Variants in KYNU observed in about 807,000 individuals in gnomAD.
KYNU encodes the protein kynureninase, also known as L-kynurenine hydrolase.
A neutral mutation model predicts 59.2 loss-of-function variants in KYNU; 54 were observed. The ratio of observed to expected loss-of-function variants is 0.91; its 90% CI spans 0.73 to 1.14. KYNU has a LOEUF of 1.14. Ranked by LOEUF, KYNU falls within the 50% of genes most tolerant of loss-of-function variation. The probability of loss-of-function intolerance (pLI) is 0.00; values close to 1 mark genes in which losing one functional copy is unlikely to be tolerated. For missense variants in KYNU, 567 were observed against 554.4 expected (o/e 1.02, Z -0.23); for synonymous variants, 177 against 192.0 (o/e 0.92, Z 0.65).
At chr2:143,013,517 T>C (rs551844057) in intron 10 of KYNU, among the ~76,000 whole-genome samples, 1 of 152,322 alleles carries the variant, frequency 6.6e-6, no homozygotes, top group Non-Finnish European at 1.5e-5. Context: ...TTCTAGAAAT[T>C]TGATAGTTTT....
intron 8 of KYNU, among the ~76,000 whole-genome samples, chr2:142,969,287 A>G (rs1684642523): frequency 6.6e-6 from 1 of 152,182 alleles, no homozygotes; most frequent in Non-Finnish European, 1.5e-5. Flanking sequence ...AAGATATACT[A>G]TATCTGCTTA....
intron 4 of KYNU, among the ~76,000 whole-genome samples, chr2:142,931,035 C>T (rs540309827): frequency 1.3e-5 from 2 of 152,196 alleles, no homozygotes; most frequent in Non-Finnish European, 2.9e-5. Context: ...ATAACTGCTG[C>T]GTTGTACCTG....
intron 13 of KYNU, among the ~76,000 whole-genome samples, 199 bp downstream of exon 13, chr2:143,040,857 G>T (rs1270829895): frequency 6.6e-6 from 1 of 152,014 alleles, no homozygotes; most frequent in Non-Finnish European, 1.5e-5. Flanking sequence ...TAAAAGAGAA[G>T]ATACCACAAA....
chr2:142,976,084 A>G (rs1423820473), intron 8 of KYNU, among the ~76,000 whole-genome samples: 2 of 152,168 alleles, frequency 1.3e-5, no homozygotes, highest in Non-Finnish European at 2.9e-5. Flanking sequence ...AGGTATGAAG[A>G]TACCTTGCAA....
chr2:142,940,177 T>C (rs1683550515), intron 4 of KYNU, among the ~76,000 whole-genome samples: 2 of 152,244 alleles, frequency 1.3e-5, no homozygotes, highest in East Asian at 3.8e-4. Context: ...CATTCAAATA[T>C]TCTAATATGT....
chr2:143,014,102 C>T (rs577991923), intron 10 of KYNU, among the ~76,000 whole-genome samples: 1 of 152,232 alleles, frequency 6.6e-6, no homozygotes, highest in South Asian at 2.1e-4. Context: ...CAGGTCCATT[C>T]TCCTAACATT....
chr2:142,925,514 CAT>C (rs1048015710), intron 3 of KYNU, among the ~76,000 whole-genome samples: 11 of 152,200 alleles, frequency 7.2e-5, no homozygotes, highest in Non-Finnish European at 1.3e-4. Context: ...GTCTCTTTCA[CAT>C]GTTATCTCAT....
intron 2 of KYNU, among the ~76,000 whole-genome samples, chr2:142,892,037 C>T (rs1681734257): frequency 6.6e-6 from 1 of 152,072 alleles, no homozygotes; most frequent in Non-Finnish European, 1.5e-5. Context: ...CTCAGCCCCC[C>T]AATTAGGTGG....
At chr2:142,979,067 A>T (rs1376802444) in intron 8 of KYNU, among the ~76,000 whole-genome samples, 1 of 152,260 alleles carries the variant, frequency 6.6e-6, no homozygotes, top group East Asian at 1.9e-4. Context: ...ATTTCAGCAC[A>T]GGCCCTATGT....
intron 10 of KYNU, among the ~76,000 whole-genome samples, chr2:143,011,231 C>T (rs1686087860): frequency 7.4e-6 from 1 of 135,780 alleles, no homozygotes; most frequent in African/African-American, 3.0e-5. Flanking sequence ...AAACAAACAA[C>T]CCCATCAAAA....
rs1169420080 is a variant in KYNU at position 143,047,284 on chromosome 2, C to T, written c.*5112C>T. ...GTAGAAACAGTGTTTTGCTACATTT[C>T]CCAGGCTGGTCTCAAACTCCTGGCC... On this transcript the variant is annotated 3_prime_UTR_variant, in exon 14 of 14. Transcript: ENST00000264170. 1.3e-5 allele frequency: 2 copies of T among 152,096 alleles called. No individual in the cohort carries two copies. The highest frequency in any genetic ancestry group is 3.9e-4 in the East Asian group (2 of 5,184). 9.4% of individuals were successfully genotyped at this position (152,096 alleles called of 1,614,324 possible).
chr2:143,027,859 A>G (rs1686622112), intron 10 of KYNU, among the ~76,000 whole-genome samples: 1 of 152,146 alleles, frequency 6.6e-6, no homozygotes, highest in South Asian at 2.1e-4. Flanking sequence ...TTACCGTCAT[A>G]TCTCATTTGT....
rs201464630 is a variant in KYNU, at chr2:143,034,246, A to AT, written c.1041+928dup. Among the ~76,000 whole-genome samples the AT allele has an allele frequency of 1.4e-4, 22 of 152,148 alleles. No individual in the cohort carries two copies. The East Asian group carries it at 4.2e-3, about 29-fold the overall frequency. On this transcript the variant is annotated intron_variant, in intron 12 of 13. Coordinates refer to ENST00000264170, the MANE Select transcript of KYNU (RefSeq NM_003937.3). Reference sequence around the variant, plus strand: ...ATATTTTAAGTAAATGTGCATATATATTTCTAATAGAAGTTTTACATAGAA... The same window carrying AT: ...ATATTTTAAGTAAATGTGCATATATATTTTCTAATAGAAGTTTTACATAGAA...
At chr2:142,963,975 G>T (rs1684439512) in intron 8 of KYNU, among the ~76,000 whole-genome samples, 2 of 152,004 alleles carry the variant, frequency 1.3e-5, no homozygotes, top group South Asian at 4.1e-4. Flanking sequence ...TGTTCAAAAA[G>T]TTTTGGATTT....
intron 2 of KYNU, among the ~76,000 whole-genome samples, chr2:142,917,305 A>G (rs186958965): frequency 6.6e-6 from 1 of 152,314 alleles, no homozygotes; most frequent in African/African-American, 2.4e-5. Context: ...AGGACTGGGA[A>G]CTATGGATGA....
intron 2 of KYNU, among the ~76,000 whole-genome samples, chr2:142,892,533 G>A (rs1245008764): frequency 1.3e-5 from 2 of 152,200 alleles, no homozygotes; most frequent in East Asian, 3.8e-4. Flanking sequence ...GGAATATAGG[G>A]TACTAGGATG....
chr2:142,945,414 G>A (rs935106547), intron 4 of KYNU, among the ~76,000 whole-genome samples: 1 of 152,156 alleles, frequency 6.6e-6, no homozygotes, highest in African/African-American at 2.4e-5. Flanking sequence ...CTCATCTGTT[G>A]AAGTTTTATT....
intron 3 of KYNU, among the ~76,000 whole-genome samples, chr2:142,925,189 A>C (rs913025324): frequency 3.3e-5 from 5 of 152,194 alleles, no homozygotes; most frequent in Non-Finnish European, 7.3e-5. Flanking sequence ...GGATCCAAGT[A>C]TCTTCCTTTA....
chr2:142,960,573 T>C, intron 7 of KYNU, 51 bp from the exon 8 acceptor site: 2 of 1,548,716 alleles, frequency 1.3e-6, no homozygotes, highest in Non-Finnish European at 1.8e-6. Context: ...AATATGAAAT[T>C]ACAAATTTAT....
Sources: allele counts gnomAD v4.1 joint callset (sites outside exome capture counted in the v4.1 genomes callset), GRCh38; gene constraint gnomAD v4.1.1; transcripts MANE v1.5; gene names NCBI Gene and HGNC (gene_info 2026-07-23, HGNC 2026-07-21).